SDK2: variants seen among roughly 807,000 people sequenced by gnomAD.
SDK2 encodes protein sidekick-2.
In SDK2, 105 loss-of-function variants were observed where a neutral mutation model predicts 253.9. That is an observed-to-expected ratio of 0.41 (90% CI 0.35 to 0.49). SDK2 has a LOEUF of 0.49. Ranked by LOEUF, SDK2 falls within the 20% of genes least tolerant of loss-of-function variation. The pLI is 0.06. For missense variants in SDK2, 2,608 were observed against 3,003.0 expected (o/e 0.87, Z 3.07); for synonymous variants, 1,249 against 1,234.9 (o/e 1.01, Z -0.24).
At chr17:73,480,428 A>T (rs1349958967) in intron 2 of SDK2, among the ~76,000 whole-genome samples, 1 of 152,214 alleles carries the variant, frequency 6.6e-6, no homozygotes, top group Non-Finnish European at 1.5e-5. Context: ...AGTCTAGTAC[A>T]CTGGAGGCCC....
Position 73,548,699 on chromosome 17 carries a change from GA to G in SDK2, c.65-41103del, listed in dbSNP as rs529125822. The stretch of plus-strand genomic sequence containing the variant: ...CCTGTCTCCTCCCTGGGGAGGAAAT[GA>G]CCTTGGGCACTGCCCAGTCCTTGCA... On this transcript the variant is annotated intron_variant, in intron 1 of 44. Transcript: ENST00000392650. Among the ~76,000 whole-genome samples the G allele has an allele frequency of 9.4e-3, 1,430 of 152,348 alleles. 15 individuals carry two copies. The highest frequency in any genetic ancestry group is 0.017 in the Non-Finnish European group (1,161 of 68,036).
chr17:73,417,554 G>T (rs2063193081), intron 16 of SDK2, among the ~76,000 whole-genome samples: 1 of 152,144 alleles, frequency 6.6e-6, no homozygotes, highest in Non-Finnish European at 1.5e-5. Context: ...GAGGTCTAGG[G>T]GATGTGTCTG....
Position 73,431,399 on chromosome 17 carries a change from TG to T in SDK2, c.1480+102del. 9.0e-7 allele frequency: 1 copy of T among 1,112,206 alleles called. No individual in the cohort carries two copies. Among genetic ancestry groups the T allele is most frequent in the Non-Finnish European group, 1.3e-6 (1 of 790,732 alleles). The allele number at this position is 1,112,206 out of a possible 1,614,324, so 68.9% of individuals were successfully genotyped here. On this transcript the variant is annotated intron_variant, in intron 11 of 44. Transcript: ENST00000392650. The surrounding 1 kb of genome is among the most constrained non-coding windows in gnomAD (Gnocchi z 5.6). ...CAGACACTGGGGATGGAGACACTGG[TG>T]GTATGAGCCTGTGCCCCGTAGCTGT...
At chr17:73,363,630 T>C (rs2062659581) in intron 38 of SDK2, among the ~76,000 whole-genome samples, 1 of 152,108 alleles carries the variant, frequency 6.6e-6, no homozygotes, top group Non-Finnish European at 1.5e-5. Flanking sequence ...GGCCTTGTCT[T>C]GCTGTACTTA....
At chr17:73,508,976 C>T (rs1156791794) in intron 1 of SDK2, among the ~76,000 whole-genome samples, 4 of 152,294 alleles carry the variant, frequency 2.6e-5, no homozygotes, top group East Asian at 1.9e-4. Flanking sequence ...CAGCAGCCGG[C>T]GGGGAGGAGT....
chr17:73,354,875 T>C (rs1391659237), intron 40 of SDK2, among the ~76,000 whole-genome samples: 3 of 151,930 alleles, frequency 2.0e-5, no homozygotes, highest in African/African-American at 2.4e-5. Flanking sequence ...CCAGGGCTGA[T>C]GGTTTTGTTT....
chr17:73,351,564 A>AG (rs1555749733), intron 41 of SDK2, among the ~76,000 whole-genome samples: 1 of 152,134 alleles, frequency 6.6e-6, no homozygotes, highest in Non-Finnish European at 1.5e-5. Context: ...AGCAGAAGGC[A>AG]GGGGGAATTG....
At chr17:73,599,900 G>A (rs1302259158) in intron 1 of SDK2, among the ~76,000 whole-genome samples, 1 of 152,250 alleles carries the variant, frequency 6.6e-6, no homozygotes, top group African/African-American at 2.4e-5. Flanking sequence ...GCCAAGTCCT[G>A]TCTGCCAACA....
intron 18 of SDK2, among the ~76,000 whole-genome samples, chr17:73,412,011 T>C (rs1231032759): frequency 2.1e-5 from 2 of 94,896 alleles, no homozygotes; most frequent in Non-Finnish European, 2.0e-5. Context: ...CATATATATG[T>C]AGATATACGT....
At chr17:73,403,880 G>C (rs1007435905) in intron 18 of SDK2, among the ~76,000 whole-genome samples, 3 of 152,146 alleles carry the variant, frequency 2.0e-5, no homozygotes, top group African/African-American at 7.2e-5. Flanking sequence ...CTTTGGAGTA[G>C]ATTAAGAAAC....
chr17:73,611,450 C>A (rs2045973491), intron 1 of SDK2, among the ~76,000 whole-genome samples: 1 of 152,238 alleles, frequency 6.6e-6, no homozygotes, highest in Non-Finnish European at 1.5e-5. Flanking sequence ...TGGGGCCCGC[C>A]TCTGTGGCCC....
intron 16 of SDK2, among the ~76,000 whole-genome samples, chr17:73,417,905 A>C (rs2063195893): frequency 6.6e-6 from 1 of 152,228 alleles, no homozygotes; most frequent in South Asian, 2.1e-4. Context: ...ATAATTCAGC[A>C]TCTAATTATT....
At position 73,399,193 on chromosome 17, in the gene SDK2, A is replaced by C; in HGVS notation, c.3068T>G (p.Ile1023Ser). 1 of 1,613,792 alleles carries C rather than the reference A, an allele frequency of 6.2e-7. No individual in the cohort carries two copies. The highest frequency in any genetic ancestry group is 8.5e-7 in the Non-Finnish European group (1 of 1,179,854). Residue 1023 changes from isoleucine to serine, a missense_variant, in exon 22 of 45, where the codon ATC (isoleucine) becomes AGC (serine). By Grantham distance (142) the Ile-to-Ser change is moderately radical. Around this residue, in one of 2 missense-constraint regions of SDK2, gnomAD observed 1,505 missense variants for 1,859.1 expected, o/e 0.81. Transcript: ENST00000392650. ...FRPGYDGKTS[I>S]SRWLVEAQVG... is the part of the protein sequence containing the mutation. ...CTGGGCTTCCACCAGCCAGCGGGAG[A>C]TGGAGGTTTTCCCATCGTAGCCTGG...
At chr17:73,423,818 G>A in intron 13 of SDK2, 98 bp downstream of exon 13, 1 of 979,422 alleles carries the variant, frequency 1.0e-6, no homozygotes, top group Non-Finnish European at 1.4e-6. Context: ...GGTCACACGT[G>A]GCCTGGGGAT....
chr17:73,519,420 T>A (rs893073867), intron 1 of SDK2: 1 of 152,306 alleles, frequency 6.6e-6, no homozygotes, highest in African/African-American at 2.4e-5. Flanking sequence ...CCTTAGGGGC[T>A]TGACCTCACC....
rs535750601 is a variant in SDK2, at chr17:73,467,897, G to A, written c.331+4215C>T. The stretch of plus-strand genomic sequence containing the variant: ...TTCAGGGAGCTGCAGCTGGTGGACA[G>A]GGGGAGGTTAACCTGGGTCTCTCTC... On this transcript the variant is annotated intron_variant, in intron 3 of 44. Coordinates refer to ENST00000392650, the MANE Select transcript of SDK2 (RefSeq NM_001144952.2). The surrounding 1 kb of genome is among the most constrained non-coding windows in gnomAD (Gnocchi z 4.1). 6.6e-6 allele frequency among the ~76,000 whole-genome samples: 1 copy of A among 152,298 alleles called. No homozygotes were observed. Among genetic ancestry groups the A allele is most frequent in the African/African-American group, 2.4e-5 (1 of 41,580 alleles).
intron 17 of SDK2, 119 bp from the exon 18 acceptor site, chr17:73,414,878 C>A: frequency 3.1e-6 from 2 of 639,632 alleles, no homozygotes; most frequent in South Asian, 1.8e-5. Flanking sequence ...CCCCCTACCC[C>A]ACCCCAACTC....
At chr17:73,421,372 G>A (rs555918353) in intron 15 of SDK2, among the ~76,000 whole-genome samples, 32 of 152,172 alleles carry the variant, frequency 2.1e-4, no homozygotes, top group Non-Finnish European at 4.6e-4. Flanking sequence ...AGCCCCAGGC[G>A]TCTTTCAAAG....
intron 1 of SDK2, among the ~76,000 whole-genome samples, chr17:73,545,706 G>A (rs1277531097): frequency 6.6e-6 from 1 of 152,100 alleles, no homozygotes; most frequent in Non-Finnish European, 1.5e-5. Flanking sequence ...AGACCCCACT[G>A]AGCTGGATGA....
Sources: gnomAD v4.1 joint callset for allele counts (sites outside exome capture counted in the v4.1 genomes callset) on GRCh38, gnomAD v4.1.1 for gene constraint, gnomAD v4.1.1 regional missense constraint, Gnocchi (gnomAD v3.1) non-coding constraint, MANE v1.5 for transcripts, NCBI Gene and HGNC (gene_info 2026-07-23, HGNC 2026-07-21) for gene names.